Variants in SAMD12 observed in about 807,000 individuals in gnomAD.
SAMD12 encodes the protein sterile alpha motif domain-containing protein 12.
A neutral mutation model predicts 15.0 loss-of-function variants in SAMD12; 9 were observed. That is an observed-to-expected ratio of 0.60 (90% confidence interval 0.36 to 1.05). The LOEUF is 1.05. SAMD12 is among the 50% of genes least tolerant of loss of function. The probability of loss-of-function intolerance (pLI) is 0.01; values close to 1 mark genes in which losing one functional copy is unlikely to be tolerated. For missense variants in SAMD12, 230 were observed against 234.2 expected, an observed-to-expected ratio of 0.98 and a Z score of 0.12; for synonymous variants, 86 against 90.1, an observed-to-expected ratio of 0.96 and a Z score of 0.25.
chr8:118,447,741 T>TA (rs1822960624), intron 2 of SAMD12, among the ~76,000 whole-genome samples: 1 of 150,884 alleles, frequency 6.6e-6, no homozygotes, highest in Non-Finnish European at 1.5e-5. Flanking sequence ...TTTATTTATT[T>TA]TTGAGATGGA....
intron 2 of SAMD12, among the ~76,000 whole-genome samples, chr8:118,510,860 C>A (rs995871660): frequency 6.6e-6 from 1 of 152,140 alleles, no homozygotes; most frequent in Admixed American, 6.5e-5. Flanking sequence ...TATTAAGTAG[C>A]GAGAATGCAT....
At chr8:118,597,124 G>A (rs1162274412) in intron 1 of SAMD12, among the ~76,000 whole-genome samples, 2 of 152,184 alleles carry the variant, frequency 1.3e-5, no homozygotes, top group African/African-American at 4.8e-5. Flanking sequence ...CAAGGCTGGA[G>A]AGGGTGGCAG....
At chr8:118,234,169 A>T (rs1451682648) in intron 4 of SAMD12, among the ~76,000 whole-genome samples, 1 of 152,122 alleles carries the variant, frequency 6.6e-6, no homozygotes, top group Non-Finnish European at 1.5e-5. Context: ...TGGTTTCTCG[A>T]TGTTTTTTGG....
chr8:118,311,216 C>T (rs749165357), intron 4 of SAMD12, among the ~76,000 whole-genome samples: 1 of 152,136 alleles, frequency 6.6e-6, no homozygotes, highest in Non-Finnish European at 1.5e-5. Context: ...TGCAGTATTG[C>T]TTCCTTATAT....
chr8:118,162,371 T>C, the SAMD12 span, among the ~76,000 whole-genome samples: 1 of 150,862 alleles, frequency 6.6e-6, no homozygotes, highest in African/African-American at 2.4e-5. Flanking sequence ...AACATAATTA[T>C]AGAGAATGTA....
intron 2 of SAMD12, among the ~76,000 whole-genome samples, chr8:118,506,176 G>C (rs1020797192): frequency 7.9e-5 from 12 of 152,238 alleles, no homozygotes; most frequent in African/African-American, 2.6e-4. Context: ...AGCTTTGAAG[G>C]TCAGCAGCCT....
intron 4 of SAMD12, among the ~76,000 whole-genome samples, chr8:118,244,301 A>G (rs972199649): frequency 6.6e-6 from 1 of 152,170 alleles, no homozygotes; most frequent in Non-Finnish European, 1.5e-5. Flanking sequence ...AAATTCACAC[A>G]GTTAGTAAGG....
At chr8:118,241,555 C>T (rs2514974) in intron 4 of SAMD12, among the ~76,000 whole-genome samples, 1 of 151,928 alleles carries the variant, frequency 6.6e-6, no homozygotes, top group Non-Finnish European at 1.5e-5. Flanking sequence ...ATGATTATAC[C>T]TTTTTGGAAA....
intron 2 of SAMD12, among the ~76,000 whole-genome samples, chr8:118,480,424 T>C (rs1824093346): frequency 6.6e-6 from 1 of 152,202 alleles, no homozygotes; most frequent in Non-Finnish European, 1.5e-5. Flanking sequence ...TGTAAGTTGA[T>C]TATGTAATTT....
At chr8:118,139,508 G>C in the SAMD12 span, among the ~76,000 whole-genome samples, 1 of 152,072 alleles carries the variant, frequency 6.6e-6, no homozygotes, top group African/African-American at 2.4e-5. Context: ...ACAGATATGT[G>C]CCACAGTGCC....
chr8:118,584,325 CCT>C (rs1827373748), intron 1 of SAMD12, among the ~76,000 whole-genome samples: 1 of 152,094 alleles, frequency 6.6e-6, no homozygotes, highest in South Asian at 2.1e-4. Context: ...TCTCCAATGG[CCT>C]CTTACAATGC....
chr8:118,437,743 C>T (rs193097006), intron 3 of SAMD12, among the ~76,000 whole-genome samples: 1 of 152,292 alleles, frequency 6.6e-6, no homozygotes, highest in Non-Finnish European at 1.5e-5. Context: ...ATGCATACCT[C>T]ATTCCCACAC....
At chr8:118,432,604 A>C (rs4629902) in intron 3 of SAMD12, among the ~76,000 whole-genome samples, 91,950 of 152,050 alleles carry the variant, frequency 0.6, 28,557 homozygotes, top group Admixed American at 0.68. Context: ...TAAGTCTTAC[A>C]ATAGAGCCTT....
chr8:118,354,323 G>A (rs1364797828), intron 4 of SAMD12, among the ~76,000 whole-genome samples: 1 of 152,166 alleles, frequency 6.6e-6, no homozygotes, highest in African/African-American at 2.4e-5. Context: ...CTAGATTCTA[G>A]AACCTTCTTC....
exon 5 of SAMD12, chr8:118,189,752 T>C (rs1164827248): frequency 1.3e-5 from 2 of 151,988 alleles, no homozygotes; most frequent in Non-Finnish European, 1.5e-5. Flanking sequence ...GCTGAAGATA[T>C]GGAAATCGGT....
intron 2 of SAMD12, among the ~76,000 whole-genome samples, chr8:118,450,219 G>A (rs1430780528): frequency 1.3e-5 from 2 of 152,188 alleles, no homozygotes; most frequent in African/African-American, 2.4e-5. Context: ...GCATCAGGGT[G>A]TCTACAATAA....
intron 2 of SAMD12, among the ~76,000 whole-genome samples, chr8:118,460,635 C>A (rs75970442): frequency 0.011 from 1,722 of 152,122 alleles, 21 homozygotes; most frequent in Non-Finnish European, 0.016. Context: ...AACAAGAAAT[C>A]ACAAAATGGA....
chr8:118,185,406 G>A (rs1308252355), downstream of SAMD12, among the ~76,000 whole-genome samples: 14 of 152,016 alleles, frequency 9.2e-5, no homozygotes, highest in Admixed American at 9.2e-4. Flanking sequence ...CCCACTGAGA[G>A]TCCCCAAAGT....
At chr8:118,494,623 T>A (rs1392025301) in intron 2 of SAMD12, among the ~76,000 whole-genome samples, 1 of 152,202 alleles carries the variant, frequency 6.6e-6, no homozygotes, top group East Asian at 1.9e-4. Flanking sequence ...CACCTTCCTC[T>A]TATTCACCTG....
Sources: allele counts gnomAD v4.1 joint callset (sites outside exome capture counted in the v4.1 genomes callset), GRCh38; gene constraint gnomAD v4.1.1; transcripts MANE v1.5; gene names NCBI Gene and HGNC (gene_info 2026-07-23, HGNC 2026-07-21).